The following TSPAN9 variants were observed in gnomAD, a reference collection of about 807,000 sequenced individuals.
TSPAN9 encodes tetraspanin-9.
A neutral mutation model predicts 31.0 loss-of-function variants in TSPAN9; 16 were observed. The ratio of observed to expected loss-of-function variants is 0.52; its 90% confidence interval spans 0.35 to 0.78. The LOEUF is 0.78. TSPAN9 is among the 30% of genes least tolerant of loss of function. The pLI, the probability that TSPAN9 is intolerant of heterozygous loss-of-function variation, is 0.01. For synonymous variants in TSPAN9, 145 were observed against 121.6 expected, an observed-to-expected ratio of 1.19 and a Z score of -1.27; for missense variants, 272 against 312.5, an observed-to-expected ratio of 0.87 and a Z score of 0.98.
intron 2 of TSPAN9, among the ~76,000 whole-genome samples, chr12:3,106,448 G>C (rs2098314723): frequency 6.6e-6 from 1 of 152,214 alleles, no homozygotes; most frequent in Non-Finnish European, 1.5e-5. Flanking sequence ...GGCAGAAACT[G>C]GTGGTGGGAA....
chr12:3,143,759 G>A lies in TSPAN9; in HGVS notation c.-17-57418G>A, dbSNP rs1182781132. Among the ~76,000 whole-genome samples, 2 of 152,198 alleles carry A rather than the reference G, an allele frequency of 1.3e-5. No homozygotes were observed. Among genetic ancestry groups the A allele is most frequent in the Admixed American group, 1.3e-4 (2 of 15,286 alleles). ...TTTCAGATGGGCTTCTGTGCCCTTT[G>A]GTGTATTCCTGTCTTTTCTGGAGCT... On this transcript the variant is annotated intron_variant, in intron 2 of 8. Transcript: ENST00000011898. The surrounding 1 kb of genome is among the most constrained non-coding windows in gnomAD (Gnocchi z 4.2).
At chr12:3,136,597 T>C (rs1256390377) in intron 2 of TSPAN9, among the ~76,000 whole-genome samples, 1 of 152,086 alleles carries the variant, frequency 6.6e-6, no homozygotes, top group African/African-American at 2.4e-5. Flanking sequence ...CGGGTTTGCA[T>C]GAGTAGGGTT....
rs1212171539 is a variant in TSPAN9, at chr12:3,284,244, C to T, written c.*1128C>T. ...AAATACCTCTCTAGTTCGGATGCTG[C>T]TCACTTTCCCCCTTGCTTCTGGAAG... On this transcript the variant is annotated 3_prime_UTR_variant, in exon 9 of 9. Transcript: ENST00000011898. 6.5e-6 allele frequency: 1 copy of T among 152,692 alleles called. No individual in the cohort carries two copies. The highest frequency in any genetic ancestry group is 1.9e-4 in the East Asian group (1 of 5,178). The allele number at this position is 152,692 out of a possible 1,614,324, so 9.5% of individuals were successfully genotyped here. A position where few individuals can be genotyped will look rare whatever the true frequency, so the allele number is the denominator to read the frequency against.
intron 2 of TSPAN9, among the ~76,000 whole-genome samples, chr12:3,183,831 G>A (rs923052941): frequency 6.6e-6 from 1 of 152,160 alleles, no homozygotes; most frequent in South Asian, 2.1e-4. Flanking sequence ...CCTCAGGTGT[G>A]TGCCACTTCA....
At chr12:3,194,419 A>C (rs902040240) in intron 2 of TSPAN9, among the ~76,000 whole-genome samples, 9 of 151,970 alleles carry the variant, frequency 5.9e-5, no homozygotes, top group African/African-American at 2.2e-4. Flanking sequence ...ATAGGGTCTC[A>C]CTCTGTCACC....
chr12:3,145,677 T>C (rs1473551842), intron 2 of TSPAN9, among the ~76,000 whole-genome samples: 1 of 152,256 alleles, frequency 6.6e-6, no homozygotes, highest in East Asian at 1.9e-4. Flanking sequence ...AGGATCATCC[T>C]GTCCTGCTCA....
At chr12:3,131,149 A>C (rs1591640697) in intron 2 of TSPAN9, among the ~76,000 whole-genome samples, 1 of 146,040 alleles carries the variant, frequency 6.8e-6, no homozygotes, top group African/African-American at 2.5e-5. Context: ...AAGAAACCGG[A>C]TGTTTATGGA....
At chr12:3,146,738 TG>T (rs1462327743) in intron 2 of TSPAN9, among the ~76,000 whole-genome samples, 2 of 152,164 alleles carry the variant, frequency 1.3e-5, no homozygotes, top group Non-Finnish European at 2.9e-5. Context: ...GAGATCTTCC[TG>T]GGATTCTGTG....
At chr12:3,139,745 A>G (rs772495685) in intron 2 of TSPAN9, among the ~76,000 whole-genome samples, 1 of 151,904 alleles carries the variant, frequency 6.6e-6, no homozygotes, top group Admixed American at 6.5e-5. Flanking sequence ...ATAGGGTTTC[A>G]CCATGCTGCC....
chr12:3,128,173 G>A (rs2098328199), intron 2 of TSPAN9, among the ~76,000 whole-genome samples: 1 of 152,144 alleles, frequency 6.6e-6, no homozygotes, highest in Non-Finnish European at 1.5e-5. Flanking sequence ...TGGCAGAGAG[G>A]TTTTTCCCAT....
intron 2 of TSPAN9, among the ~76,000 whole-genome samples, chr12:3,165,549 C>T (rs541167934): frequency 1.2e-4 from 19 of 152,198 alleles, no homozygotes; most frequent in Middle Eastern, 3.4e-3. Flanking sequence ...CTGTTGCTGC[C>T]GCCGTACTGC....
chr12:3,094,510 A>G (rs1037550401), intron 2 of TSPAN9, among the ~76,000 whole-genome samples: 10 of 151,034 alleles, frequency 6.6e-5, no homozygotes, highest in Non-Finnish European at 1.3e-4. Flanking sequence ...GGTTGTTTTA[A>G]ATCAATTATC....
intron 2 of TSPAN9, among the ~76,000 whole-genome samples, chr12:3,135,667 A>G (rs1042868793): frequency 4.0e-5 from 6 of 151,392 alleles, no homozygotes; most frequent in Non-Finnish European, 8.8e-5. Context: ...AAACCTATCA[A>G]TTTCTCCCCC....
intron 2 of TSPAN9, among the ~76,000 whole-genome samples, chr12:3,096,899 C>A (rs1388792897): frequency 6.6e-6 from 1 of 152,022 alleles, no homozygotes; most frequent in African/African-American, 2.4e-5. Flanking sequence ...GGGGTTTCAC[C>A]ATGTTAGCCA....
rs1565645018 is a variant in TSPAN9 at position 3,280,339 on chromosome 12, C to CGGGCT, written c.331-42_331-41insGGCTG. ...TGAGGTGGGCTGGAGAGACGAGCTG[C>CGGGCT]GTCCTGGTTCCAACCGTCTCACTGT... On this transcript the variant is annotated intron_variant, in intron 5 of 8. Coordinates refer to ENST00000011898, the MANE Select transcript of TSPAN9 (RefSeq NM_006675.5). This position sits in a 1 kb window ranked among gnomAD's most constrained non-coding sequence, Gnocchi z 4.5. The CGGGCT allele has an allele frequency of 6.4e-7, 1 of 1,574,484 alleles. No homozygotes were observed. Among genetic ancestry groups the CGGGCT allele is most frequent in the Non-Finnish European group, 8.7e-7 (1 of 1,148,756 alleles).
At chr12:3,102,558 C>G (rs1351756735) in intron 2 of TSPAN9, among the ~76,000 whole-genome samples, 3 of 151,920 alleles carry the variant, frequency 2.0e-5, no homozygotes, top group African/African-American at 7.3e-5. Context: ...CTGCCTCAGC[C>G]TCCTGAGTAG....
In TSPAN9 at chr12:3,085,216, A is replaced by T. The variant is rs1019622040; in HGVS notation, c.-18+1497A>T. Among the ~76,000 whole-genome samples, 8 of 150,118 alleles carry T rather than the reference A, an allele frequency of 5.3e-5. No individual in the cohort carries two copies. The East Asian group carries it at 5.9e-4, about 11-fold the overall frequency. ...TTGTCCCTATTAAAAAAAAAAAAAG[A>T]CCGGGCGGCAGAGAGGGAAGGACTT... On this transcript the variant is annotated intron_variant, in intron 2 of 8. Coordinates refer to ENST00000011898, the MANE Select transcript of TSPAN9 (RefSeq NM_006675.5).
At chr12:3,134,471 G>C (rs1189378375) in intron 2 of TSPAN9, among the ~76,000 whole-genome samples, 1 of 152,200 alleles carries the variant, frequency 6.6e-6, no homozygotes, top group Non-Finnish European at 1.5e-5. Context: ...TTAGGGGATG[G>C]TCAAGGCTGG....
chr12:3,257,446 C>T (rs1862367746), intron 3 of TSPAN9, among the ~76,000 whole-genome samples: 1 of 151,790 alleles, frequency 6.6e-6, no homozygotes, highest in African/African-American at 2.4e-5. Context: ...AATCTGGTTC[C>T]CATGGAGTGT....
Sources: gnomAD v4.1 joint callset for allele counts (sites outside exome capture counted in the v4.1 genomes callset) on GRCh38, gnomAD v4.1.1 for gene constraint, Gnocchi (gnomAD v3.1) non-coding constraint, MANE v1.5 for transcripts, NCBI Gene and HGNC (gene_info 2026-07-23, HGNC 2026-07-21) for gene names.